Variants in MEOX2 observed in about 807,000 individuals in gnomAD.
MEOX2 encodes the protein mesenchyme homeobox 2.
A neutral mutation model predicts 27.0 loss-of-function variants in MEOX2; 11 were observed. The ratio of observed to expected loss-of-function variants is 0.41; its 90% confidence interval spans 0.26 to 0.68. The LOEUF is 0.68. MEOX2 is among the 30% of genes least tolerant of loss of function. The probability of loss-of-function intolerance (pLI) is 0.33; values close to 1 mark genes in which losing one functional copy is unlikely to be tolerated. For synonymous variants in MEOX2, 189 were observed against 155.4 expected (o/e 1.22, Z -1.61); for missense variants, 436 against 385.4 (o/e 1.13, Z -1.10).
In MEOX2 at chr7:15,686,169, G is replaced by T. The variant is rs1562620056; in HGVS notation, c.234C>A (p.His78Gln). The T allele has an allele frequency of 6.5e-7, 1 of 1,538,154 alleles. No individual in the cohort carries two copies. Residue 78 changes from histidine to glutamine, a missense_variant, in exon 1 of 3, where the codon CAC becomes CAA. Physicochemically the swap from His to Gln is conservative, Grantham distance 24. Coordinates refer to ENST00000262041, the MANE Select transcript of MEOX2 (RefSeq NM_005924.5). ...CCTGGTGCTGCTGCTGCTGATGGTG[G>T]TGATGGTGGTGGTGGTGGTGGTGGT... ...HHHHHHHHHH[H>Q]HHQQQQHQAL...
chr7:15,612,936 C>A (rs1203643297), intron 2 of MEOX2, among the ~76,000 whole-genome samples: 1 of 152,150 alleles, frequency 6.6e-6, no homozygotes, highest in African/African-American at 2.4e-5. Flanking sequence ...TGAATTGGAG[C>A]TAACATAATA....
chr7:15,619,477 G>T (rs1048513269), intron 2 of MEOX2, among the ~76,000 whole-genome samples: 1 of 151,910 alleles, frequency 6.6e-6, no homozygotes, highest in Non-Finnish European at 1.5e-5. Flanking sequence ...TTAGACTCCT[G>T]GGAAGAATTA....
intron 1 of MEOX2, among the ~76,000 whole-genome samples, chr7:15,633,679 T>C (rs1043512343): frequency 2.0e-5 from 3 of 151,930 alleles, no homozygotes; most frequent in Non-Finnish European, 4.4e-5. Flanking sequence ...GCCATTTCTT[T>C]AGCAAGTCAT....
At chr7:15,625,196 C>T (rs1269985799) in intron 2 of MEOX2, among the ~76,000 whole-genome samples, 1 of 152,088 alleles carries the variant, frequency 6.6e-6, no homozygotes, top group African/African-American at 2.4e-5. Flanking sequence ...TATATAAGAA[C>T]ATTAGTGTGT....
At chr7:15,662,115 T>C (rs183654769) in intron 1 of MEOX2, among the ~76,000 whole-genome samples, 8 of 122,378 alleles carry the variant, frequency 6.5e-5, no homozygotes, top group African/African-American at 2.2e-4. Flanking sequence ...TTACTGGTGT[T>C]GACTAGGAAA....
At chr7:15,630,298 C>G (rs1781381889) in intron 1 of MEOX2, among the ~76,000 whole-genome samples, 1 of 152,066 alleles carries the variant, frequency 6.6e-6, no homozygotes, top group Non-Finnish European at 1.5e-5. Context: ...TCATTTCTGT[C>G]TAGCATTTAG....
At position 15,664,305 on chromosome 7, in the gene MEOX2, A is replaced by G. The variant is rs147546898; in HGVS notation, c.517+21581T>C. On this transcript the variant is annotated intron_variant, in intron 1 of 2. Coordinates refer to ENST00000262041, the MANE Select transcript of MEOX2 (RefSeq NM_005924.5). ...GTTGTATTTGCTTTTTGATCTTTCT[A>G]GTTGTTGTGGCATTTGGCTTCTCTT... is the stretch of plus-strand genomic sequence containing the variant. Among the ~76,000 whole-genome samples, 393 of 152,186 alleles carry G rather than the reference A, an allele frequency of 2.6e-3. 1 individual carries two copies. Among genetic ancestry groups the G allele is most frequent in the African/African-American group, 9.2e-3 (382 of 41,530 alleles).
Position 15,612,391 on chromosome 7 carries a change from A to C in MEOX2, c.911T>G (p.Leu304Ter). 1 of 1,613,182 alleles carries C rather than the reference A, an allele frequency of 6.2e-7. No homozygotes were observed. Reference protein sequence around the residue: ...DSDHSSEHAHL With the variant: ...DSDHSSEHAH ...GGAGCTGGTCCTCTGTTTATATCAT[A>C]AGTGCGCATGCTCTGAGCTGTGGTC... Residue 304 changes from leucine to a stop codon, truncating the protein, a stop_gained, in exon 3 of 3, where the codon TTA becomes TGA. Transcript: ENST00000262041. LOFTEE classifies it high-confidence loss of function.
intron 2 of MEOX2, among the ~76,000 whole-genome samples, chr7:15,614,148 G>T (rs116671275): frequency 0.011 from 1,719 of 150,644 alleles, 38 homozygotes; most frequent in African/African-American, 0.039. Flanking sequence ...TCTTCTAAGA[G>T]TTTTAAAGGT....
chr7:15,632,520 G>A (rs1384796514), intron 1 of MEOX2, among the ~76,000 whole-genome samples: 1 of 151,708 alleles, frequency 6.6e-6, no homozygotes, highest in Non-Finnish European at 1.5e-5. Context: ...TAAAAATGGT[G>A]ATGAAATTAA....
rs771332987 is a variant in MEOX2, at chr7:15,686,358, C to G, written c.45G>C (p.Thr15=). Residue 15 remains threonine (T), a synonymous_variant, in exon 1 of 3, where the codon ACG becomes ACC. Transcript: ENST00000262041. ...LFGCLRSPHA[T]AQGLHPFSQS... ...GGGAGAACGGGTGCAAGCCTTGCGC[C>G]GTGGCGTGAGGGCTGCGCAGGCAGC... 3.8e-6 allele frequency: 6 copies of G among 1,592,916 alleles called. No homozygotes were observed. The highest frequency in any genetic ancestry group is 3.4e-5 in the South Asian group (3 of 88,030).
At chr7:15,680,227 T>TA (rs1782270912) in intron 1 of MEOX2, 1 of 151,856 alleles carries the variant, frequency 6.6e-6, no homozygotes. Flanking sequence ...TTCTGAAACA[T>TA]AAAAACAACA....
intron 1 of MEOX2, among the ~76,000 whole-genome samples, chr7:15,645,262 T>C (rs1308984766): frequency 2.0e-5 from 3 of 152,186 alleles, no homozygotes; most frequent in Non-Finnish European, 4.4e-5. Context: ...AATGTCATTG[T>C]AAGGAAGGAA....
At chr7:15,630,844 T>C (rs1465288632) in intron 1 of MEOX2, among the ~76,000 whole-genome samples, 1 of 151,994 alleles carries the variant, frequency 6.6e-6, no homozygotes, top group African/African-American at 2.4e-5. Flanking sequence ...TTATGGGCAC[T>C]TATCCAACTT....
chr7:15,674,187 G>T (rs574356903), intron 1 of MEOX2, among the ~76,000 whole-genome samples: 1 of 152,092 alleles, frequency 6.6e-6, no homozygotes, highest in South Asian at 2.1e-4. Context: ...TGTATTTTAA[G>T]TGTAGAATAA....
chr7:15,678,838 G>C (rs1256912449), intron 1 of MEOX2: 1 of 152,204 alleles, frequency 6.6e-6, no homozygotes, highest in Non-Finnish European at 1.5e-5. Flanking sequence ...TGCGGAGCCT[G>C]ACAGATGATT....
chr7:15,643,008 G>T (rs1781586829), intron 1 of MEOX2, among the ~76,000 whole-genome samples: 1 of 152,158 alleles, frequency 6.6e-6, no homozygotes, highest in Admixed American at 6.5e-5. Flanking sequence ...GTCTAGAGAG[G>T]CTTATCTTGT....
chr7:15,622,680 G>A (rs1286564022), intron 2 of MEOX2, among the ~76,000 whole-genome samples: 1 of 152,102 alleles, frequency 6.6e-6, no homozygotes, highest in Admixed American at 6.6e-5. Flanking sequence ...TCAAGATATA[G>A]ATTACATGGC....
intron 1 of MEOX2, among the ~76,000 whole-genome samples, chr7:15,660,424 C>T (rs559809913): frequency 2.0e-5 from 3 of 152,222 alleles, no homozygotes; most frequent in African/African-American, 4.8e-5. Flanking sequence ...GTCCACCCTA[C>T]TCTCTCGAGG....
Sources: gnomAD v4.1 joint callset for allele counts (sites outside exome capture counted in the v4.1 genomes callset) on GRCh38, gnomAD v4.1.1 for gene constraint, MANE v1.5 for transcripts, NCBI Gene and HGNC (gene_info 2026-07-23, HGNC 2026-07-21) for gene names.